The following LNPK variants were observed in gnomAD, a reference collection of about 807,000 sequenced individuals.
LNPK encodes endoplasmic reticulum junction formation protein lunapark.
A neutral mutation model predicts 55.2 loss-of-function variants in LNPK; 29 were observed. That is an observed-to-expected ratio of 0.53 (90% CI 0.39 to 0.72). The LOEUF (loss-of-function observed/expected upper bound fraction) is 0.72, where lower values mean the gene tolerates loss of function less well. Among genes scored for constraint, LNPK ranks in the 30% least tolerant of loss-of-function variants. LNPK has a pLI of 0.00. For missense variants in LNPK, 467 were observed against 494.8 expected (o/e 0.94, Z 0.53); for synonymous variants, 162 against 168.2 (o/e 0.96, Z 0.29).
chr2:175,979,528 T>C (rs1244057300), intron 5 of LNPK, among the ~76,000 whole-genome samples: 1 of 151,384 alleles, frequency 6.6e-6, no homozygotes, highest in Admixed American at 6.6e-5. Flanking sequence ...ACTGCACTCC[T>C]GCCTGGGCGA....
intron 5 of LNPK, among the ~76,000 whole-genome samples, chr2:175,976,828 C>A (rs1167485143): frequency 6.6e-6 from 1 of 152,212 alleles, no homozygotes; most frequent in Non-Finnish European, 1.5e-5. Flanking sequence ...AAACCATTAG[C>A]CCTCCTGGGT....
At chr2:175,948,192 T>C (rs1050962464) in intron 8 of LNPK, among the ~76,000 whole-genome samples, 10 of 152,192 alleles carry the variant, frequency 6.6e-5, no homozygotes, top group South Asian at 2.1e-4. Context: ...CCATTTCCAT[T>C]CTCCTTTATG....
At chr2:175,956,278 C>CA (rs10630601) in intron 8 of LNPK, among the ~76,000 whole-genome samples, 9,198 of 108,434 alleles carry the variant, frequency 0.085, 401 homozygotes, top group South Asian at 0.12. Flanking sequence ...ACCATGTATT[C>CA]AAAAAAAAAA....
chr2:175,948,683 CTAAG>C lies in LNPK; in HGVS notation c.494-995_494-992del, dbSNP rs540874588. ...CAAATCCTGAATTAGTGAGCTGAAA[CTAAG>C]TAAGTAATTTTTAATTGGCATAAAT... On this transcript the variant is annotated intron_variant, in intron 8 of 12. Coordinates refer to ENST00000272748, the MANE Select transcript of LNPK (RefSeq NM_030650.3). Among the ~76,000 whole-genome samples the C allele has an allele frequency of 2.0e-3, 298 of 152,262 alleles. 3 individuals carry two copies. The highest frequency in any genetic ancestry group is 6.2e-3 in the Admixed American group (95 of 15,286).
chr2:175,933,731 G>GGTTT (rs561628191), intron 12 of LNPK, among the ~76,000 whole-genome samples: 3 of 122,116 alleles, frequency 2.5e-5, no homozygotes, highest in South Asian at 2.7e-4. Flanking sequence ...CAAGTTAAGG[G>GGTTT]TTTTTTTTTT....
intron 9 of LNPK, among the ~76,000 whole-genome samples, chr2:175,943,831 CTG>C (rs1178422369): frequency 5.3e-5 from 8 of 152,014 alleles, no homozygotes; most frequent in Admixed American, 1.3e-4. Flanking sequence ...TCATGCAAAA[CTG>C]TGAAAGAATA....
chr2:175,989,470 G>A (rs1574897603), intron 4 of LNPK, among the ~76,000 whole-genome samples: 1 of 151,974 alleles, frequency 6.6e-6, no homozygotes, highest in African/African-American at 2.4e-5. Flanking sequence ...TAAGGTATCC[G>A]AAAGTAAAAG....
chr2:175,950,173 A>G (rs1203249202), intron 8 of LNPK, among the ~76,000 whole-genome samples: 2 of 152,072 alleles, frequency 1.3e-5, no homozygotes, highest in African/African-American at 4.8e-5. Context: ...AACAAAAATC[A>G]TACTCACTGA....
chr2:175,955,161 CTCCTT>C (rs1685631599), intron 8 of LNPK, among the ~76,000 whole-genome samples: 1 of 152,180 alleles, frequency 6.6e-6, no homozygotes, highest in Admixed American at 6.5e-5. Context: ...TCCTTTGATT[CTCCTT>C]TCAACAAACG....
intron 9 of LNPK, among the ~76,000 whole-genome samples, chr2:175,945,795 A>G (rs2105558389): frequency 6.6e-6 from 1 of 152,340 alleles, no homozygotes; most frequent in African/African-American, 2.4e-5. Flanking sequence ...AACCTCTTGC[A>G]CATGCACCTT....
intron 1 of LNPK, among the ~76,000 whole-genome samples, chr2:175,996,828 T>C (rs1687956382): frequency 1.3e-5 from 2 of 152,218 alleles, no homozygotes; most frequent in Non-Finnish European, 2.9e-5. Context: ...CAATATTATA[T>C]TCTAAATCAA....
intron 9 of LNPK, among the ~76,000 whole-genome samples, chr2:175,940,236 A>C (rs1379872562): frequency 6.6e-6 from 1 of 151,862 alleles, no homozygotes; most frequent in Non-Finnish European, 1.5e-5. Context: ...AACCCAGATG[A>C]AATGTAGCAG....
rs181751223 is a variant in LNPK at position 175,964,742 on chromosome 2, T to C, written c.358-153A>G. ...AATAATTAAAATCCAGATTTTAAAA[T>C]GGCTTCTAACCTCTAATATGTTACT... On this transcript the variant is annotated intron_variant, in intron 6 of 12. Coordinates refer to ENST00000272748, the MANE Select transcript of LNPK (RefSeq NM_030650.3). Among the ~76,000 whole-genome samples the C allele has an allele frequency of 2.5e-3, 381 of 152,306 alleles. 1 individual carries two copies. Among genetic ancestry groups the C allele is most frequent in the African/African-American group, 8.8e-3 (367 of 41,568 alleles).
chr2:175,941,802 A>AG (rs1684856577), intron 9 of LNPK, among the ~76,000 whole-genome samples: 1 of 148,274 alleles, frequency 6.7e-6, no homozygotes, highest in Non-Finnish European at 1.5e-5. Flanking sequence ...AAAAAAAAAA[A>AG]AAAAAGAAAA....
chr2:175,965,647 A>C (rs1330650619), intron 6 of LNPK, among the ~76,000 whole-genome samples: 1 of 152,232 alleles, frequency 6.6e-6, no homozygotes, highest in Non-Finnish European at 1.5e-5. Context: ...TTCGACATTT[A>C]AGAGGTAGGT....
At chr2:175,954,372 T>C (rs1271601410) in intron 8 of LNPK, among the ~76,000 whole-genome samples, 2 of 152,228 alleles carry the variant, frequency 1.3e-5, no homozygotes, top group Non-Finnish European at 2.9e-5. Context: ...CCCCATCTTC[T>C]TGTCCATTCT....
At chr2:175,952,594 C>T (rs1301516808) in intron 8 of LNPK, among the ~76,000 whole-genome samples, 2 of 151,930 alleles carry the variant, frequency 1.3e-5, no homozygotes, top group African/African-American at 4.8e-5. Context: ...ACCTTCTACC[C>T]TATTTCGCTA....
rs533406524 is a variant in LNPK, at chr2:175,967,753, C to T, written c.357+3011G>A. On this transcript the variant is annotated intron_variant, in intron 6 of 12. Coordinates refer to ENST00000272748, the MANE Select transcript of LNPK (RefSeq NM_030650.3). ...TTTTCTTTCATATAAGAGTATTCCA[C>T]AATAATAGTCACATCTTTCTTCTTT... The T allele has an allele frequency of 7.2e-5, 70 of 972,590 alleles. No individual in the cohort carries two copies. In the Middle Eastern group the frequency reaches 4.3e-3, roughly 59 times the overall value. 60.2% of individuals were successfully genotyped at this position (972,590 alleles called of 1,614,324 possible).
At chr2:175,963,939 T>G (rs1258894462) in intron 8 of LNPK, among the ~76,000 whole-genome samples, 1 of 152,034 alleles carries the variant, frequency 6.6e-6, no homozygotes, top group Admixed American at 6.6e-5. Flanking sequence ...TTCATTTTTC[T>G]TATTTCTAAA....
Sources: gnomAD v4.1 joint callset for allele counts (sites outside exome capture counted in the v4.1 genomes callset) on GRCh38, gnomAD v4.1.1 for gene constraint, MANE v1.5 for transcripts, NCBI Gene and HGNC (gene_info 2026-07-23, HGNC 2026-07-21) for gene names.